Variants in RIMS1 observed in about 807,000 individuals in gnomAD.
RIMS1 encodes regulating synaptic membrane exocytosis protein 1.
RIMS1 carries 83 observed loss-of-function variants against 214.1 expected under a neutral mutation model. That is an observed-to-expected ratio of 0.39 (90% CI 0.32 to 0.47). The LOEUF is 0.47. Among genes scored for constraint, RIMS1 ranks in the 20% least tolerant of loss-of-function variants. The pLI is 0.99. For synonymous variants in RIMS1, 793 were observed against 786.8 expected (o/e 1.01, Z -0.13); for missense variants, 2,050 against 2,161.8 (o/e 0.95, Z 1.03).
At chr6:72,329,102 C>A (rs2096576505) in intron 28 of RIMS1, among the ~76,000 whole-genome samples, 1 of 151,856 alleles carries the variant, frequency 6.6e-6, no homozygotes, top group African/African-American at 2.4e-5. Flanking sequence ...GAAGACTGTG[C>A]TGTTGCCTCT....
At chr6:71,897,810 T>TATGG (rs1444863438) in intron 1 of RIMS1, among the ~76,000 whole-genome samples, 1 of 150,892 alleles carries the variant, frequency 6.6e-6, no homozygotes, top group Non-Finnish European at 1.5e-5. Flanking sequence ...TAAAATTGTA[T>TATGG]ATGGATGGAT....
At chr6:72,216,919 A>G (rs2056338226) in intron 6 of RIMS1, 78 of 1,265,332 alleles carry the variant, frequency 6.2e-5, no homozygotes, top group South Asian at 3.5e-4. Flanking sequence ...CTATAGATTA[A>G]TGCTGTAATC....
chr6:71,995,829 C>T (rs895017953), intron 2 of RIMS1, among the ~76,000 whole-genome samples: 1 of 152,084 alleles, frequency 6.6e-6, no homozygotes, highest in African/African-American at 2.4e-5. Flanking sequence ...CTTTGCCGCT[C>T]AGGCTGGAGT....
intron 2 of RIMS1, among the ~76,000 whole-genome samples, chr6:71,976,382 C>T (rs923254759): frequency 6.6e-6 from 1 of 151,966 alleles, no homozygotes; most frequent in Non-Finnish European, 1.5e-5. Flanking sequence ...AAAATATTTT[C>T]TTCCGTTTTA....
At chr6:72,166,715 T>TAAA (rs35329248) in intron 4 of RIMS1, among the ~76,000 whole-genome samples, 18,933 of 149,422 alleles carry the variant, frequency 0.13, 1,321 homozygotes, top group South Asian at 0.18. Context: ...GTCTCTATTT[T>TAAA]AAAAAAAAAA....
intron 2 of RIMS1, among the ~76,000 whole-genome samples, chr6:72,028,564 G>T (rs1320142422): frequency 6.6e-6 from 1 of 152,128 alleles, no homozygotes; most frequent in Non-Finnish European, 1.5e-5. Context: ...AAAATGAAAT[G>T]CTTCCTTTTT....
At chr6:72,307,185 G>T in intron 26 of RIMS1, 73 bp from the exon 27 acceptor site, 1 of 919,190 alleles carries the variant, frequency 1.1e-6, no homozygotes, top group South Asian at 1.5e-5. Context: ...CAAAAGCATT[G>T]AAATCTTAAA....
At chr6:71,970,858 A>G (rs1795679561) in intron 2 of RIMS1, among the ~76,000 whole-genome samples, 1 of 152,242 alleles carries the variant, frequency 6.6e-6, no homozygotes, top group African/African-American at 2.4e-5. Flanking sequence ...CTCCATAGCC[A>G]CATAAATCCC....
At chr6:71,934,920 ATGTATGTTCACC>A (rs1210114018) in intron 1 of RIMS1, among the ~76,000 whole-genome samples, 1 of 152,216 alleles carries the variant, frequency 6.6e-6, no homozygotes. Context: ...TCATGTGTGC[ATGTATGTTCACC>A]TGTAACAATA....
chr6:72,117,485 T>C (rs1181236728), intron 4 of RIMS1, among the ~76,000 whole-genome samples: 1 of 151,950 alleles, frequency 6.6e-6, no homozygotes, highest in Non-Finnish European at 1.5e-5. Flanking sequence ...CCTCTCACTA[T>C]TATGGTTCTC....
intron 12 of RIMS1, among the ~76,000 whole-genome samples, chr6:72,249,604 C>A (rs1377498189): frequency 6.6e-6 from 1 of 151,928 alleles, no homozygotes; most frequent in Admixed American, 6.6e-5. Context: ...ACCCCCGATT[C>A]CACAAAAAAT....
chr6:72,000,947 A>G (rs1804994934), intron 2 of RIMS1, among the ~76,000 whole-genome samples: 1 of 152,154 alleles, frequency 6.6e-6, no homozygotes, highest in African/African-American at 2.4e-5. Flanking sequence ...ATACAGAGAT[A>G]CATTATGTTG....
intron 24 of RIMS1, among the ~76,000 whole-genome samples, chr6:72,286,928 A>G (rs1185452680): frequency 6.6e-6 from 1 of 152,210 alleles, no homozygotes; most frequent in Non-Finnish European, 1.5e-5. Flanking sequence ...TTTGAAAGAG[A>G]TGATGACCAG....
chr6:72,058,209 C>T (rs1826875635), intron 2 of RIMS1, among the ~76,000 whole-genome samples: 1 of 152,150 alleles, frequency 6.6e-6, no homozygotes, highest in Admixed American at 6.5e-5. Flanking sequence ...ACCTTTATTC[C>T]CAGAACTTAC....
At chr6:72,077,652 G>T (rs1264708337) in intron 2 of RIMS1, among the ~76,000 whole-genome samples, 1 of 152,170 alleles carries the variant, frequency 6.6e-6, no homozygotes, top group African/African-American at 2.4e-5. Flanking sequence ...TGAAAGTGGT[G>T]AAAGAGAACT....
chr6:72,035,629 G>A (rs1268174044), intron 2 of RIMS1, among the ~76,000 whole-genome samples: 1 of 152,136 alleles, frequency 6.6e-6, no homozygotes, highest in Non-Finnish European at 1.5e-5. Flanking sequence ...GTGTGTTTAT[G>A]CAATCCTTTC....
intron 4 of RIMS1, among the ~76,000 whole-genome samples, chr6:72,170,990 T>A (rs926700908): frequency 6.6e-6 from 1 of 152,084 alleles, no homozygotes; most frequent in African/African-American, 2.4e-5. Context: ...ATTTTATAAA[T>A]GAGGATACTG....
chr6:72,331,671 T>C (rs377313881), intron 28 of RIMS1, among the ~76,000 whole-genome samples: 1 of 151,790 alleles, frequency 6.6e-6, no homozygotes, highest in Non-Finnish European at 1.5e-5. Flanking sequence ...GAGTTGGGAA[T>C]ATAAATCCCA....
chr6:72,041,503 G>T lies in RIMS1; in HGVS notation c.246-55446G>T, dbSNP rs192100241. On this transcript the variant is annotated intron_variant, in intron 2 of 33. Coordinates refer to ENST00000521978, the MANE Select transcript of RIMS1 (RefSeq NM_014989.7). ...AAATGAGATCAAACTCTTTTCTTAGGTTGTATCTCAACTTTAGGGCTTTAT... is the reference window on the plus strand; with the variant it reads ...AAATGAGATCAAACTCTTTTCTTAGTTTGTATCTCAACTTTAGGGCTTTAT... 1.5e-3 allele frequency among the ~76,000 whole-genome samples: 223 copies of T among 151,832 alleles called. 2 individuals carry two copies. The highest frequency in any genetic ancestry group is 5.0e-3 in the African/African-American group (206 of 41,494).
Sources: allele counts gnomAD v4.1 joint callset (sites outside exome capture counted in the v4.1 genomes callset), GRCh38; gene constraint gnomAD v4.1.1; transcripts MANE v1.5; gene names NCBI Gene and HGNC (gene_info 2026-07-23, HGNC 2026-07-21).